KLHL13: variants seen among roughly 807,000 people sequenced by gnomAD.
The protein encoded by KLHL13 is kelch-like protein 13.
In KLHL13, 10 loss-of-function variants were observed where a neutral mutation model predicts 37.1. The observed-to-expected ratio is 0.27, with a 90% CI of 0.17 to 0.46. The LOEUF is 0.46. Ranked by LOEUF, KLHL13 falls within the 20% of genes least tolerant of loss-of-function variation. KLHL13 has a pLI of 1.00. For synonymous variants in KLHL13, 163 were observed against 181.2 expected, an observed-to-expected ratio of 0.90 and a Z score of 0.81; for missense variants, 360 against 509.3, an observed-to-expected ratio of 0.71 and a Z score of 2.82.
At chrX:118,078,699 A>G (rs2054955433) in intron 1 of KLHL13, among the ~76,000 whole-genome samples, 1 of 111,914 alleles carries the variant, frequency 8.9e-6, no homozygotes, top group Non-Finnish European at 1.9e-5. Context: ...GTTTAAGGCA[A>G]TTATAAATAA....
chrX:118,048,462 C>A (rs750489836), intron 1 of KLHL13, among the ~76,000 whole-genome samples: 2 of 111,323 alleles, frequency 1.8e-5, no homozygotes, highest in Non-Finnish European at 3.8e-5. Flanking sequence ...CTAGGAGCTT[C>A]ACCTGTATCT....
chrX:117,913,172 A>G (rs1027033319), intron 4 of KLHL13, among the ~76,000 whole-genome samples: 36 of 111,255 alleles, frequency 3.2e-4, no homozygotes, highest in Admixed American at 4.8e-4. Context: ...ATAATATTCT[A>G]TTATGGTTCA....
At chrX:118,106,569 C>T (rs1461142483) in intron 1 of KLHL13, among the ~76,000 whole-genome samples, 2 of 111,629 alleles carry the variant, frequency 1.8e-5, no homozygotes, top group Non-Finnish European at 3.8e-5. Flanking sequence ...CTAAGCTTTT[C>T]AAGCACTTGA....
chrX:118,097,088 G>C (rs2055217444), intron 1 of KLHL13, among the ~76,000 whole-genome samples: 1 of 111,056 alleles, frequency 9.0e-6, no homozygotes, highest in African/African-American at 3.3e-5. Flanking sequence ...GGGCAATCAG[G>C]CAGGAGAAGG....
rs746919382 is a variant in KLHL13, at chrX:118,029,037, T to C, written c.-55-83462A>G. ...TCTCAGTTATCAAAAAAACATAGTATATATAGGGTTCGGTACTCTCCACGT... is the reference window on the plus strand; with the variant it reads ...TCTCAGTTATCAAAAAAACATAGTACATATAGGGTTCGGTACTCTCCACGT... On this transcript the variant is annotated intron_variant, in intron 1 of 6. Coordinates refer to the KLHL13 transcript ENST00000371882. Among the ~76,000 whole-genome samples, 4 of 111,399 alleles carry C rather than the reference T, an allele frequency of 3.6e-5. No individual in the cohort carries two copies. The South Asian group carries it at 1.5e-3, about 42-fold the overall frequency.
chrX:118,066,004 A>G (rs1366141057), intron 1 of KLHL13, among the ~76,000 whole-genome samples: 1 of 112,113 alleles, frequency 8.9e-6, no homozygotes, highest in Admixed American at 9.5e-5. Flanking sequence ...CTGTGCTTAG[A>G]GAAAAACCAA....
intron 1 of KLHL13, among the ~76,000 whole-genome samples, chrX:118,078,583 T>A (rs1239685727): frequency 8.9e-6 from 1 of 112,003 alleles, no homozygotes; most frequent in African/African-American, 3.2e-5. Flanking sequence ...AATTTTTGTA[T>A]GTATCAGTAC....
chrX:117,906,736 G>A (rs764497171), intron 5 of KLHL13, among the ~76,000 whole-genome samples: 6 of 111,232 alleles, frequency 5.4e-5, no homozygotes, highest in Admixed American at 9.6e-5. Context: ...TTTAAGGGAC[G>A]CAATCATTTT....
chrX:118,104,048 TAAAAA>T (rs60645250), intron 1 of KLHL13, among the ~76,000 whole-genome samples: 7,675 of 42,523 alleles, frequency 0.18, 345 homozygotes, highest in Middle Eastern at 0.31. Flanking sequence ...TCATTTCCAC[TAAAAA>T]AAAAAAAAAA....
chrX:117,910,972 G>A (rs1028488216), intron 4 of KLHL13, among the ~76,000 whole-genome samples: 1 of 111,800 alleles, frequency 8.9e-6, no homozygotes, highest in Non-Finnish European at 1.9e-5. Flanking sequence ...CCTTTCCTCA[G>A]TAGAACCTCT....
In KLHL13 at chrX:118,026,488, C is replaced by A. The variant is rs772890883; in HGVS notation, c.-55-80913G>T. ...AACATGAATTCTGCTAAAACTGAAG[C>A]AAGAACAAACATCAAATTTATCACA... On this transcript the variant is annotated intron_variant, in intron 1 of 6. Coordinates refer to the KLHL13 transcript ENST00000371882. 8.1e-5 allele frequency among the ~76,000 whole-genome samples: 9 copies of A among 111,367 alleles called. No homozygotes were observed. The South Asian group carries it at 3.4e-3, about 42-fold the overall frequency.
chrX:117,918,982 A>C (rs1403489902), intron 4 of KLHL13, among the ~76,000 whole-genome samples: 1 of 112,089 alleles, frequency 8.9e-6, no homozygotes. Flanking sequence ...ATATATCTTC[A>C]TCAAACATTA....
intron 1 of KLHL13, among the ~76,000 whole-genome samples, chrX:118,102,700 G>A (rs1005934269): frequency 5.4e-5 from 6 of 111,866 alleles, no homozygotes; most frequent in East Asian, 2.8e-4. Flanking sequence ...TAAAGCTAGC[G>A]AATCTTCTTT....
At chrX:118,067,451 A>G (rs1172985771) in intron 1 of KLHL13, among the ~76,000 whole-genome samples, 1 of 111,125 alleles carries the variant, frequency 9.0e-6, no homozygotes, top group Admixed American at 9.6e-5. Flanking sequence ...ATTTATAAAA[A>G]AATTTCTCTT....
intron 1 of KLHL13, among the ~76,000 whole-genome samples, chrX:118,060,288 A>G (rs1285712001): frequency 2.7e-5 from 3 of 111,564 alleles, no homozygotes; most frequent in African/African-American, 9.8e-5. Context: ...CTTGTGCATC[A>G]TGTAGACCTG....
chrX:117,972,133 C>T (rs966351082), intron 1 of KLHL13, among the ~76,000 whole-genome samples: 6 of 111,495 alleles, frequency 5.4e-5, no homozygotes, highest in Admixed American at 9.5e-5. Flanking sequence ...TTTTTCAATC[C>T]CCATAATATA....
At chrX:117,908,348 C>T (rs1398085454) in intron 5 of KLHL13, among the ~76,000 whole-genome samples, 1 of 109,096 alleles carries the variant, frequency 9.2e-6, no homozygotes, top group Non-Finnish European at 1.9e-5. Flanking sequence ...CACCCATCAA[C>T]CTGTCACCTA....
chrX:118,034,553 G>C (rs1360378924), intron 1 of KLHL13, among the ~76,000 whole-genome samples: 1 of 85,201 alleles, frequency 1.2e-5, no homozygotes. Flanking sequence ...CGAGAACAAA[G>C]ACACAACATA....
chrX:118,073,556 G>C (rs1602702236), intron 1 of KLHL13, among the ~76,000 whole-genome samples: 1 of 111,687 alleles, frequency 9.0e-6, no homozygotes, highest in East Asian at 2.8e-4. Context: ...GTGGATATAA[G>C]AGTAGATTGA....
Sources: allele counts gnomAD v4.1 joint callset (sites outside exome capture counted in the v4.1 genomes callset), GRCh38; gene constraint gnomAD v4.1.1; transcripts MANE v1.5; gene names NCBI Gene and HGNC (gene_info 2026-07-23, HGNC 2026-07-21).